JADE3: variants seen among roughly 807,000 people sequenced by gnomAD.
The protein encoded by JADE3 is protein Jade-3.
Under a neutral mutation model 50.1 loss-of-function variants are expected in JADE3, and 2 were observed. The observed-to-expected ratio is 0.04, with a 90% confidence interval of 0.02 to 0.13. The LOEUF is 0.13. JADE3 is among the 10% of genes least tolerant of loss of function. The pLI is 1.00. For missense variants in JADE3, 475 were observed against 634.4 expected (o/e 0.75, Z 2.70); for synonymous variants, 218 against 232.9 (o/e 0.94, Z 0.58).
At chrX:47,046,402 A>T (rs932936003) in intron 8 of JADE3, among the ~76,000 whole-genome samples, 3 of 112,202 alleles carry the variant, frequency 2.7e-5, no homozygotes, top group African/African-American at 9.7e-5. Flanking sequence ...TTTCCCTTCA[A>T]AGAAAATCCT....
chrX:46,995,323 C>G (rs1456127201), intron 3 of JADE3, among the ~76,000 whole-genome samples: 1 of 111,412 alleles, frequency 9.0e-6, no homozygotes, highest in Non-Finnish European at 1.9e-5. Flanking sequence ...GCCACCACGC[C>G]TGGCCTAAGA....
At position 47,033,726 on chromosome X, in the gene JADE3, C is replaced by A; in HGVS notation, c.793C>A (p.Leu265Met). 8.3e-7 allele frequency: 1 copy of A among 1,199,253 alleles called. No individual in the cohort carries two copies. ...CVLCPKKGGA[L>M]KTTKTGTKWA... ...GTTATGTCCAAAGAAAGGTGGAGCC[C>A]TGAAGACCACCAAGACAGGGACTAA... Residue 265 changes from leucine to methionine, a missense_variant, in exon 7 of 11, where the codon CTG (leucine) becomes ATG (methionine). Around this residue, in one of 6 missense-constraint regions of JADE3, gnomAD observed 54 missense variants for 156.2 expected, o/e 0.35. Transcript: ENST00000614628.
At chrX:47,012,264 A>G (rs782372779) in intron 4 of JADE3, among the ~76,000 whole-genome samples, 2 of 110,957 alleles carry the variant, frequency 1.8e-5, no homozygotes, top group Non-Finnish European at 1.9e-5. Context: ...TACTTTCCTC[A>G]TGGTGTCCTT....
chrX:47,050,195 A>G (rs782308350), intron 8 of JADE3, among the ~76,000 whole-genome samples: 1 of 111,504 alleles, frequency 9.0e-6, no homozygotes, highest in East Asian at 2.8e-4. Flanking sequence ...CAGCCTCCCA[A>G]GGTGCTGGGA....
In JADE3 at chrX:47,054,276, A is replaced by G. The variant is rs782637348; in HGVS notation, c.1091A>G (p.Lys364Arg). ...GTGAAGTTCAAGTCATATTGCCTCA[A>G]GCATAGCCAAAACAGGCAGAAACTT... ...DEVKFKSYCLKHSQNRQKLGE... is the reference protein window; with the variant it reads ...DEVKFKSYCLRHSQNRQKLGE... The change falls in exon 9 of 11, where the codon AAG becomes AGG. Residue 364 changes from lysine (K) to arginine (R), a missense_variant. Around this residue, in one of 6 missense-constraint regions of JADE3, gnomAD observed 81 missense variants for 123.8 expected, o/e 0.65. Coordinates refer to ENST00000614628, the MANE Select transcript of JADE3 (RefSeq NM_014735.5). 8.3e-7 allele frequency: 1 copy of G among 1,209,725 alleles called. No individual in the cohort carries two copies. The highest frequency in any genetic ancestry group is 2.2e-5 in the Admixed American group (1 of 45,733).
At chrX:46,927,379 G>A (rs1602371617) in intron 1 of JADE3, among the ~76,000 whole-genome samples, 2 of 111,840 alleles carry the variant, frequency 1.8e-5, no homozygotes, top group East Asian at 2.8e-4. Flanking sequence ...GGCGTGTTTG[G>A]TAGGCAAGCC....
chrX:46,921,967 T>C (rs782351304), intron 1 of JADE3, among the ~76,000 whole-genome samples: 1 of 107,363 alleles, frequency 9.3e-6, no homozygotes, highest in African/African-American at 3.4e-5. Flanking sequence ...ATGTACAGAA[T>C]GTGCAGGTCT....
At chrX:46,989,882 C>CT (rs1164046351) in intron 3 of JADE3, among the ~76,000 whole-genome samples, 17 of 104,207 alleles carry the variant, frequency 1.6e-4, no homozygotes, top group East Asian at 9.0e-4. Context: ...AGGCACTTTT[C>CT]TTTTTTTTTT....
intron 6 of JADE3, among the ~76,000 whole-genome samples, chrX:47,029,183 G>C (rs1556366258): frequency 9.0e-6 from 1 of 111,688 alleles, no homozygotes; most frequent in East Asian, 2.8e-4. Context: ...TGTTTTTATA[G>C]ATATAAGTCC....
At chrX:46,998,004 G>A (rs1928172059) in intron 3 of JADE3, 116 bp from the exon 4 acceptor site, 3 of 564,067 alleles carry the variant, frequency 5.3e-6, no homozygotes, top group Non-Finnish European at 5.5e-6. Context: ...GGAAGTTAGA[G>A]ATGTTTCTCT....
intron 1 of JADE3, among the ~76,000 whole-genome samples, chrX:46,914,450 C>T (rs915990820): frequency 9.0e-6 from 1 of 111,416 alleles, no homozygotes; most frequent in South Asian, 3.8e-4. Context: ...ACCTCCATAA[C>T]ATATCATTTT....
chrX:47,011,410 C>G (rs1192000873), intron 4 of JADE3, among the ~76,000 whole-genome samples: 1 of 112,154 alleles, frequency 8.9e-6, no homozygotes, highest in Non-Finnish European at 1.9e-5. Context: ...TGGGTTGTTT[C>G]CACATATGGG....
At position 47,024,749 on chromosome X, in the gene JADE3, G is replaced by A. The variant is rs781975611; in HGVS notation, c.310G>A (p.Val104Ile). The change falls in exon 5 of 11, where the codon GTT (valine) becomes ATT (isoleucine). Residue 104 changes from valine to isoleucine, a missense_variant. By Grantham distance (29) the Val-to-Ile change is conservative. Transcript: ENST00000614628. ...LRIIAEKVKDVLFIRPRKYIH... is the reference protein window; with the variant it reads ...LRIIAEKVKDILFIRPRKYIH... ...GATTATAGCTGAGAAGGTAAAGGAC[G>A]TTCTGTTTATCCGACCCCGGAAGTA... 3.8e-5 allele frequency: 45 copies of A among 1,190,697 alleles called. No homozygotes were observed. The highest frequency in any genetic ancestry group is 4.8e-5 in the Non-Finnish European group (42 of 881,313).
At chrX:46,996,902 T>C (rs1381179208) in intron 3 of JADE3, among the ~76,000 whole-genome samples, 1 of 112,162 alleles carries the variant, frequency 8.9e-6, no homozygotes, top group Admixed American at 9.5e-5. Context: ...TCCACTGCAA[T>C]ATGTTTTCAG....
At chrX:46,962,548 C>G (rs1451565450) in intron 1 of JADE3, among the ~76,000 whole-genome samples, 3 of 110,769 alleles carry the variant, frequency 2.7e-5, no homozygotes, top group Non-Finnish European at 3.8e-5. Flanking sequence ...AATACAACTC[C>G]TAAAGGAAAC....
intron 1 of JADE3, among the ~76,000 whole-genome samples, chrX:46,976,976 A>G (rs1196057081): frequency 8.9e-6 from 1 of 111,924 alleles, no homozygotes; most frequent in East Asian, 2.8e-4. Context: ...TGCCTGGTCA[A>G]CTAAAGAGGG....
chrX:46,931,484 C>T (rs1261635428), intron 1 of JADE3, among the ~76,000 whole-genome samples: 9 of 110,072 alleles, frequency 8.2e-5, no homozygotes, highest in African/African-American at 3.0e-4. Flanking sequence ...TGCAATGGCA[C>T]GATCTCAGCT....
intron 1 of JADE3, among the ~76,000 whole-genome samples, chrX:46,915,965 C>T (rs1569533700): frequency 1.8e-5 from 2 of 111,726 alleles, no homozygotes; most frequent in Admixed American, 9.4e-5. Flanking sequence ...AACCCAGGAA[C>T]TATGGCTGTG....
intron 4 of JADE3, among the ~76,000 whole-genome samples, chrX:47,003,655 ATATT>A (rs1194061020): frequency 2.0e-5 from 2 of 100,598 alleles, no homozygotes; most frequent in East Asian, 2.9e-4. Context: ...ATTTATATAT[ATATT>A]AATTATATAT....
Sources: allele counts gnomAD v4.1 joint callset (sites outside exome capture counted in the v4.1 genomes callset), GRCh38; gene constraint gnomAD v4.1.1; regional missense constraint gnomAD v4.1.1; transcripts MANE v1.5; gene names NCBI Gene and HGNC (gene_info 2026-07-23, HGNC 2026-07-21).